GRIN2C: variants seen among roughly 807,000 people sequenced by gnomAD.
GRIN2C encodes the protein glutamate ionotropic receptor NMDA type subunit 2C, also known as glutamate receptor ionotropic, NMDA 2C.
GRIN2C carries 64 observed loss-of-function variants against 77.7 expected under a neutral mutation model. That is an observed-to-expected ratio of 0.82 (90% CI 0.67 to 1.01). GRIN2C has a LOEUF of 1.01. Among genes scored for constraint, GRIN2C ranks in the 50% least tolerant of loss-of-function variants. GRIN2C has a pLI of 0.00. For synonymous variants in GRIN2C, 792 were observed against 643.4 expected (o/e 1.23, Z -3.49); for missense variants, 1,549 against 1,486.0 (o/e 1.04, Z -0.70).
At chr17:74,860,798 G>C (rs1384540787), upstream of GRIN2C, 10 of 331,902 alleles carry the variant, frequency 3.0e-5, no homozygotes, top group Non-Finnish European at 5.3e-5. Context: ...CTAGGCTGGG[G>C]CAAAGGAGAT....
chr17:74,846,792 C>T lies in GRIN2C; in HGVS notation c.2130G>A (p.Ser710=), dbSNP rs141455742. The T allele has an allele frequency of 1.5e-5, 24 of 1,613,944 alleles. No homozygotes were observed. The Admixed American group carries it at 1.7e-4, about 11-fold the overall frequency. The change falls in exon 10 of 13, where the codon TCG becomes TCA. Residue 710 remains serine, a synonymous_variant. Coordinates refer to ENST00000293190, the MANE Select transcript of GRIN2C (RefSeq NM_000835.6). The surrounding 1 kb of genome is among the most constrained non-coding windows in gnomAD (Gnocchi z 4.4). ...TGAGGCTGGTGAGCGCGTCCTCCAC[C>T]GAGCGCTGGTTGAACTTGACCATGT... ...HTHMVKFNQR[S]VEDALTSLKM...
At chr17:74,861,182 G>C (rs2037944619), upstream of GRIN2C, among the ~76,000 whole-genome samples, 2 of 152,176 alleles carry the variant, frequency 1.3e-5, no homozygotes. Flanking sequence ...TCTCGCGTCC[G>C]CCGCGCGCCT....
chr17:74,845,632 G>A (rs1444683489), intron 11 of GRIN2C, among the ~76,000 whole-genome samples: 1 of 152,108 alleles, frequency 6.6e-6, no homozygotes, highest in African/African-American at 2.4e-5. Context: ...TCTGGGTTTG[G>A]GGGCAGGCTG....
intron 7 of GRIN2C, 27 bp from the exon 8 acceptor site, chr17:74,848,004 G>A (rs751447098): frequency 2.5e-6 from 4 of 1,613,210 alleles, no homozygotes; most frequent in Admixed American, 1.7e-5. Flanking sequence ...GCAGCTCAGA[G>A]GCCTCGGCAT....
At chr17:74,844,920 CTTA>C (rs142914984) in intron 11 of GRIN2C, among the ~76,000 whole-genome samples, 13 of 151,904 alleles carry the variant, frequency 8.6e-5, no homozygotes, top group African/African-American at 1.9e-4. Context: ...TGTGATTGCT[CTTA>C]TTATTATTAT....
intron 2 of GRIN2C, 118 bp from the exon 3 acceptor site, chr17:74,852,729 T>A (rs1224045296): frequency 2.0e-6 from 1 of 501,646 alleles, no homozygotes; most frequent in East Asian, 3.6e-5. Context: ...ATGCTCCGCA[T>A]TCCGGGAGCC....
At position 74,846,979 on chromosome 17, in the gene GRIN2C, G is replaced by C; in HGVS notation, c.2002-59C>G. 3.2e-6 allele frequency: 5 copies of C among 1,551,388 alleles called. No individual in the cohort carries two copies. In the South Asian group the frequency reaches 6.0e-5, roughly 19 times the overall value. ...TTCCTCCAGCCTTCCAGGCACCAAA[G>C]CCCCAAACCCACCCCAGAGCCCAGC... is the stretch of plus-strand genomic sequence containing the variant. On this transcript the variant is annotated intron_variant, in intron 9 of 12. Coordinates refer to ENST00000293190, the MANE Select transcript of GRIN2C (RefSeq NM_000835.6). The surrounding 1 kb of genome is among the most constrained non-coding windows in gnomAD (Gnocchi z 4.4).
chr17:74,852,132 C>G lies in GRIN2C; in HGVS notation c.879G>C (p.Val293=). 1 of 1,454,768 alleles carries G rather than the reference C, an allele frequency of 6.9e-7. No individual in the cohort carries two copies. The highest frequency in any genetic ancestry group is 9.1e-7 in the Non-Finnish European group (1 of 1,103,318). The allele number at this position is 1,454,768 out of a possible 1,614,324, so 90.1% of individuals were successfully genotyped here. A position where few individuals can be genotyped will look rare whatever the true frequency, so the allele number is the denominator to read the frequency against. ...TGTGGGCGCCCAGGGCCAGAATGGC[C>G]ACGCCGTCGCGCACCTTCTGGCGCA... ...LSLRQKVRDG[V]AILALGAHSY... is the part of the protein sequence containing the mutation. Residue 293 remains valine, a synonymous_variant, in exon 3 of 13, where the codon GTG becomes GTC. Coordinates refer to ENST00000293190, the MANE Select transcript of GRIN2C (RefSeq NM_000835.6).
intron 2 of GRIN2C, chr17:74,853,881 C>T (rs2037735739): frequency 6.6e-6 from 1 of 152,248 alleles, no homozygotes. Flanking sequence ...AGGCACAGAC[C>T]ACGGCCACTG....
chr17:74,842,496 G>A lies in GRIN2C; in HGVS notation c.3641C>T (p.Thr1214Met), dbSNP rs367712120. 34 of 778,830 alleles carry A rather than the reference G, an allele frequency of 4.4e-5. No individual in the cohort carries two copies. Among genetic ancestry groups the A allele is most frequent in the Non-Finnish European group, 6.5e-5 (27 of 417,662 alleles). 48.2% of individuals were successfully genotyped at this position (778,830 alleles called of 1,614,324 possible). A position where few individuals can be genotyped will look rare whatever the true frequency, so the allele number is the denominator to read the frequency against. The change falls in exon 13 of 13, where the codon ACG becomes ATG. Residue 1214 changes from threonine (T) to methionine (M), a missense_variant. Thr to Met is a moderately conservative substitution (Grantham distance 81). Coordinates refer to ENST00000293190, the MANE Select transcript of GRIN2C (RefSeq NM_000835.6). ...GGTGCAGGGTCCCGGGAAGCCTTGC[G>A]TCCCACGGGCTACCCTGCTGATCTC... Reference protein sequence around the residue: ...LDEISRVARGTQGFPGPCTWR... With the variant: ...LDEISRVARGMQGFPGPCTWR...
Position 74,852,177 on chromosome 17 carries a change from G to T in GRIN2C, c.834C>A (p.Thr278=). 6.8e-7 allele frequency: 1 copy of T among 1,462,142 alleles called. No homozygotes were observed. The highest frequency in any genetic ancestry group is 2.8e-5 in the East Asian group (1 of 35,954). 90.6% of individuals were successfully genotyped at this position (1,462,142 alleles called of 1,614,324 possible). ...GGCGCAGGCTGAGGCGCCAGCTCTC[G>T]GTGACGACGCTGATGAGGCCCACGG... The part of the protein sequence containing the change: ...TFPVGLISVV[T]ESWRLSLRQK... Residue 278 remains threonine, a synonymous_variant, in exon 3 of 13, where the codon ACC becomes ACA. Transcript: ENST00000293190.
rs2037352103 is a variant in GRIN2C at position 74,843,241 on chromosome 17, C to A, written c.2896G>T (p.Gly966Cys). 1 of 679,478 alleles carries A rather than the reference C, an allele frequency of 1.5e-6. No individual in the cohort carries two copies. Among genetic ancestry groups the A allele is most frequent in the East Asian group, 3.5e-5 (1 of 28,814 alleles). 42.1% of individuals were successfully genotyped at this position (679,478 alleles called of 1,614,324 possible). Residue 966 changes from glycine to cysteine, a missense_variant, in exon 13 of 13, where the codon GGT becomes TGT. By Grantham distance (159) the Gly-to-Cys change is radical. Coordinates refer to ENST00000293190, the MANE Select transcript of GRIN2C (RefSeq NM_000835.6). ...GCCCTGCGCACAAGCGCCGCGCGAC[C>A]CCCGTCTGGCGGTCCCCAGCCCGTG... ...SPTGWGPPDG[G>C]RAALVRRAPQ...
chr17:74,856,734 C>G (rs1441772996), intron 1 of GRIN2C, among the ~76,000 whole-genome samples: 1 of 152,132 alleles, frequency 6.6e-6, no homozygotes, highest in African/African-American at 2.4e-5. Context: ...CCACCTCGGC[C>G]TCCCAAAGTG....
chr17:74,855,625 G>A (rs1439311111), intron 1 of GRIN2C, among the ~76,000 whole-genome samples: 1 of 152,226 alleles, frequency 6.6e-6, no homozygotes, highest in Non-Finnish European at 1.5e-5. Context: ...TGGGATTAGT[G>A]ACCTCATCCC....
rs1443424897 is a variant in GRIN2C, at chr17:74,849,866, A to G, written c.1559T>C (p.Val520Ala). The G allele has an allele frequency of 6.2e-7, 1 of 1,613,632 alleles. No homozygotes were observed. Among genetic ancestry groups the G allele is most frequent in the Non-Finnish European group, 8.5e-7 (1 of 1,179,842 alleles). ...LTINEERSEIVDFSVPFVETG... is the reference protein window; with the variant it reads ...LTINEERSEIADFSVPFVETG... ...CTCCACAAAGGGTACAGAGAAGTCT[A>G]CGATCTCGGAGCGTTCCTCATTGAT... The change falls in exon 7 of 13, where the codon GTA (valine) becomes GCA (alanine). Residue 520 changes from valine to alanine, a missense_variant. This residue lies in a region of GRIN2C where 717 missense variants were observed against 858.1 expected (regional missense o/e 0.84). Coordinates refer to ENST00000293190, the MANE Select transcript of GRIN2C (RefSeq NM_000835.6). The surrounding 1 kb of genome is among the most constrained non-coding windows in gnomAD (Gnocchi z 4.6).
intron 4 of GRIN2C, 106 bp downstream of exon 4, chr17:74,851,471 G>C: frequency 1.5e-6 from 1 of 655,726 alleles, no homozygotes; most frequent in Non-Finnish European, 2.7e-6. Flanking sequence ...GGAAGATGAG[G>C]GGTTGGATAA....
upstream of GRIN2C, among the ~76,000 whole-genome samples, chr17:74,860,028 T>C (rs1301942583): frequency 9.0e-5 from 12 of 133,504 alleles, no homozygotes; most frequent in South Asian, 2.8e-4. Context: ...CCACCCCCAC[T>C]CCCCCAAGCT....
In GRIN2C at chr17:74,847,512, G is replaced by A. The variant is rs773616276; in HGVS notation, c.1797C>T (p.Ile599=). Residue 599 remains isoleucine, a synonymous_variant, in exon 9 of 13, where the codon ATC becomes ATT. Transcript: ENST00000293190. This position sits in a 1 kb window ranked among gnomAD's most constrained non-coding sequence, Gnocchi z 5.2. ...GKKSGGPAFT[I]GKSVWLLWAL... ...CCCACAGCAGCCACACGGACTTGCC[G>A]ATAGTGAAAGCTGGGCCCCCGGACT... 18 of 1,613,520 alleles carry A rather than the reference G, an allele frequency of 1.1e-5. No individual in the cohort carries two copies. The highest frequency in any genetic ancestry group is 8.3e-5 in the Admixed American group (5 of 59,994).
rs1277334009 is a variant in GRIN2C, at chr17:74,846,560, T to C, written c.2162+200A>G. ...ACCTCAGGCTGAGGCTGAACTTTGA[T>C]TGGCACCACAGCTGTGTTCTGAGAC... On this transcript the variant is annotated intron_variant, in intron 10 of 12. Transcript: ENST00000293190. The surrounding 1 kb of genome is among the most constrained non-coding windows in gnomAD (Gnocchi z 4.4). Among the ~76,000 whole-genome samples, 3 of 108,690 alleles carry C rather than the reference T, an allele frequency of 2.8e-5. No homozygotes were observed. The highest frequency in any genetic ancestry group is 7.9e-5 in the African/African-American group (3 of 37,990). 71.3% of individuals were successfully genotyped at this position (108,690 alleles called of 152,430 possible).
Sources: gnomAD v4.1 joint callset for allele counts (sites outside exome capture counted in the v4.1 genomes callset) on GRCh38, gnomAD v4.1.1 for gene constraint, gnomAD v4.1.1 regional missense constraint, Gnocchi (gnomAD v3.1) non-coding constraint, MANE v1.5 for transcripts, NCBI Gene and HGNC (gene_info 2026-07-23, HGNC 2026-07-21) for gene names.